The following ZBTB38 variants were observed in gnomAD, a reference collection of about 807,000 sequenced individuals.
ZBTB38 encodes zinc finger and BTB domain containing 38.
In ZBTB38, 20 loss-of-function variants were observed where a neutral mutation model predicts 76.8. The observed-to-expected ratio is 0.26, with a 90% CI of 0.18 to 0.38. The LOEUF is 0.38. ZBTB38 is among the 10% of genes least tolerant of loss of function. The pLI is 1.00. For synonymous variants in ZBTB38, 504 were observed against 544.2 expected (o/e 0.93, Z 1.03); for missense variants, 1,082 against 1,482.3 (o/e 0.73, Z 4.43).
chr3:141,432,785 T>C (rs2077901478), intron 5 of ZBTB38, among the ~76,000 whole-genome samples: 1 of 152,226 alleles, frequency 6.6e-6, no homozygotes, highest in Non-Finnish European at 1.5e-5. Flanking sequence ...TGGGAAGTAG[T>C]TAAAGTCAGA....
chr3:141,352,142 G>T (rs1943535287), intron 1 of ZBTB38, among the ~76,000 whole-genome samples: 1 of 152,090 alleles, frequency 6.6e-6, no homozygotes, highest in African/African-American at 2.4e-5. Context: ...GAGGCAGATA[G>T]TCAGCAATTC....
At chr3:141,339,537 T>C (rs955193790) in intron 1 of ZBTB38, among the ~76,000 whole-genome samples, 3 of 152,186 alleles carry the variant, frequency 2.0e-5, no homozygotes, top group African/African-American at 7.2e-5. Context: ...GAAGGTAAGA[T>C]GGTAAGAAGT....
At chr3:141,392,022 G>T (rs1398734877) in intron 4 of ZBTB38, among the ~76,000 whole-genome samples, 1 of 152,156 alleles carries the variant, frequency 6.6e-6, no homozygotes, top group Non-Finnish European at 1.5e-5. Flanking sequence ...CAAAGGTCAG[G>T]GAACAAAGGG....
chr3:141,418,558 G>T (rs963457987), intron 5 of ZBTB38, among the ~76,000 whole-genome samples: 4 of 152,190 alleles, frequency 2.6e-5, no homozygotes, highest in African/African-American at 9.7e-5. Context: ...GCTCCAGGAG[G>T]TTGCTGAATG....
chr3:141,386,370 C>G (rs1369757146), intron 3 of ZBTB38: 1 of 152,206 alleles, frequency 6.6e-6, no homozygotes, highest in African/African-American at 2.4e-5. Flanking sequence ...ATCTGCCGCT[C>G]TGTACTGCAG....
chr3:141,366,331 G>A (rs905115475), upstream of ZBTB38: 1 of 152,214 alleles, frequency 6.6e-6, no homozygotes, highest in Non-Finnish European at 1.5e-5. Flanking sequence ...AGGCCACTGA[G>A]TCTTTGGGGA....
chr3:141,331,549 G>T (rs1576630947), intron 1 of ZBTB38, among the ~76,000 whole-genome samples: 1 of 148,022 alleles, frequency 6.8e-6, no homozygotes, highest in Middle Eastern at 3.2e-3. Flanking sequence ...TTTGTTTTTT[G>T]TTTTTTTTTT....
intron 1 of ZBTB38, among the ~76,000 whole-genome samples, chr3:141,361,307 C>A (rs986904013): frequency 1.3e-5 from 2 of 151,998 alleles, no homozygotes; most frequent in Non-Finnish European, 2.9e-5. Flanking sequence ...ATGAATCATG[C>A]CTCTAAAAAA....
Position 141,444,513 on chromosome 3 carries a change from T to C in ZBTB38, c.2125T>C (p.Tyr709His). The change falls in exon 6 of 6, where the codon TAC (tyrosine) becomes CAC (histidine). Residue 709 changes from tyrosine (Y) to histidine (H), a missense_variant. Physicochemically the swap from Tyr to His is moderately conservative, Grantham distance 83. Transcript: ENST00000321464. The surrounding 1 kb of genome is among the most constrained non-coding windows in gnomAD (Gnocchi z 5.1). ...SSENAASVISYSGSAPSVIVH... is the reference protein window; with the variant it reads ...SSENAASVISHSGSAPSVIVH... ...TGAGAATGCCGCCTCTGTGATCAGC[T>C]ACAGTGGCTCTGCACCCTCGGTCAT... is the stretch of plus-strand genomic sequence containing the variant. 3.1e-6 allele frequency: 5 copies of C among 1,614,172 alleles called. No individual in the cohort carries two copies. The highest frequency in any genetic ancestry group is 4.2e-6 in the Non-Finnish European group (5 of 1,180,034).
chr3:141,329,212 C>A (rs1942767885), intron 1 of ZBTB38, among the ~76,000 whole-genome samples: 1 of 152,178 alleles, frequency 6.6e-6, no homozygotes, highest in African/African-American at 2.4e-5. Flanking sequence ...TAGCATAGTG[C>A]CCAGCACATG....
rs116818098 is a variant in ZBTB38 at position 141,331,452 on chromosome 3, A to T, written c.-739+6996A>T. ...GGGAATGTCTTACACTGTCGTCCCC[A>T]TGGAAGTCTGTAGCCTGAGTACAGC... On this transcript the variant is annotated intron_variant, in intron 1 of 7. Coordinates refer to the ZBTB38 transcript ENST00000509842. Among the ~76,000 whole-genome samples, 288 of 152,314 alleles carry T rather than the reference A, an allele frequency of 1.9e-3. 1 individual carries two copies. The highest frequency in any genetic ancestry group is 6.6e-3 in the African/African-American group (274 of 41,566).
chr3:141,418,153 G>A (rs2074502615), intron 5 of ZBTB38, among the ~76,000 whole-genome samples: 1 of 152,174 alleles, frequency 6.6e-6, no homozygotes, highest in African/African-American at 2.4e-5. Flanking sequence ...GTTAGGGGGT[G>A]AGAACTATGG....
At chr3:141,329,409 C>T (rs750487508) in intron 1 of ZBTB38, among the ~76,000 whole-genome samples, 20 of 152,162 alleles carry the variant, frequency 1.3e-4, no homozygotes, top group Admixed American at 3.3e-4. Flanking sequence ...TCCCTCGGAG[C>T]GGCACACGTT....
At chr3:141,398,538 T>G (rs1950901162) in intron 4 of ZBTB38, among the ~76,000 whole-genome samples, 1 of 152,210 alleles carries the variant, frequency 6.6e-6, no homozygotes, top group Non-Finnish European at 1.5e-5. Flanking sequence ...CTTTTAAAAC[T>G]TTATGAAAAT....
At chr3:141,417,669 T>C (rs771460352) in intron 5 of ZBTB38, among the ~76,000 whole-genome samples, 32 of 152,208 alleles carry the variant, frequency 2.1e-4, no homozygotes, top group African/African-American at 5.8e-4. Context: ...ATCATTCCTA[T>C]ATTAAATCTT....
intron 5 of ZBTB38, among the ~76,000 whole-genome samples, chr3:141,411,712 C>G (rs1577180916): frequency 6.6e-6 from 1 of 152,246 alleles, no homozygotes; most frequent in East Asian, 1.9e-4. Flanking sequence ...GAAAAAAAAC[C>G]CTGACCTTTA....
chr3:141,446,196 C>T lies in ZBTB38; in HGVS notation c.*220C>T, dbSNP rs2081081113. On this transcript the variant is annotated 3_prime_UTR_variant, in exon 6 of 6. Transcript: ENST00000321464. ...CACAAAAACAAAATAGCTGACTCCT[C>T]CAATATCCCAAGTTTCTTGTGAAAG... is the stretch of plus-strand genomic sequence containing the variant. 8.1e-6 allele frequency: 3 copies of T among 370,864 alleles called. No homozygotes were observed. The highest frequency in any genetic ancestry group is 8.4e-5 in the Admixed American group (2 of 23,696). 23.0% of individuals were successfully genotyped at this position (370,864 alleles called of 1,614,324 possible).
At chr3:141,361,775 C>T (rs1943833447) in intron 1 of ZBTB38, among the ~76,000 whole-genome samples, 1 of 152,176 alleles carries the variant, frequency 6.6e-6, no homozygotes, top group South Asian at 2.1e-4. Context: ...CCAAATACTT[C>T]ACTACTGATG....
At chr3:141,391,672 G>A (rs1431684850) in intron 4 of ZBTB38, among the ~76,000 whole-genome samples, 1 of 152,234 alleles carries the variant, frequency 6.6e-6, no homozygotes, top group African/African-American at 2.4e-5. Flanking sequence ...AAATTTCTGA[G>A]AAGCCTCTTG....
Sources: allele counts gnomAD v4.1 joint callset (sites outside exome capture counted in the v4.1 genomes callset), GRCh38; gene constraint gnomAD v4.1.1; non-coding constraint Gnocchi (gnomAD v3.1); transcripts MANE v1.5; gene names NCBI Gene and HGNC (gene_info 2026-07-23, HGNC 2026-07-21).